Variants in MARCHF1 observed in about 807,000 individuals in gnomAD.
MARCHF1 encodes membrane associated ring-CH-type finger 1, also known as E3 ubiquitin-protein ligase MARCHF1.
In MARCHF1, 40 loss-of-function variants were observed where a neutral mutation model predicts 54.2. That is an observed-to-expected ratio of 0.74 (90% confidence interval 0.57 to 0.96). The LOEUF (loss-of-function observed/expected upper bound fraction) is 0.96. MARCHF1 is among the 40% of genes least tolerant of loss of function. The pLI, the probability that MARCHF1 is intolerant of heterozygous loss-of-function variation, is 0.00. For missense variants in MARCHF1, 586 were observed against 656.5 expected (o/e 0.89, Z 1.17); for synonymous variants, 236 against 236.3 (o/e 1.00, Z 0.01).
intron 8 of MARCHF1, among the ~76,000 whole-genome samples, chr4:163,569,197 C>G (rs1047695434): frequency 6.6e-6 from 1 of 152,114 alleles, no homozygotes; most frequent in Non-Finnish European, 1.5e-5. Context: ...CAGGGTAAAA[C>G]CTGGATGGCT....
intron 1 of MARCHF1, among the ~76,000 whole-genome samples, chr4:164,142,461 G>A (rs1191389929): frequency 2.6e-5 from 4 of 152,140 alleles, no homozygotes; most frequent in Non-Finnish European, 4.4e-5. Context: ...CTCCCAGCAC[G>A]CAGCTGGAGA....
intron 4 of MARCHF1, among the ~76,000 whole-genome samples, chr4:163,729,980 T>A (rs1745779831): frequency 6.6e-6 from 1 of 152,166 alleles, no homozygotes; most frequent in African/African-American, 2.4e-5. Context: ...AATTTGGGAA[T>A]TTGGGGCCAT....
intron 1 of MARCHF1, among the ~76,000 whole-genome samples, chr4:164,274,557 C>T (rs933210751): frequency 1.3e-5 from 2 of 149,640 alleles, no homozygotes; most frequent in South Asian, 2.1e-4. Context: ...TCATATTTGT[C>T]AGTGCAAGTA....
intron 4 of MARCHF1, among the ~76,000 whole-genome samples, chr4:163,849,474 T>C (rs978853680): frequency 2.0e-5 from 3 of 152,168 alleles, no homozygotes; most frequent in African/African-American, 7.2e-5. Flanking sequence ...AATGGAAATG[T>C]AGGATAAGCA....
At chr4:163,960,926 C>G (rs1752334643) in intron 3 of MARCHF1, among the ~76,000 whole-genome samples, 1 of 151,668 alleles carries the variant, frequency 6.6e-6, no homozygotes. Context: ...TCTGGTGAGG[C>G]CTCATTTTCT....
chr4:163,966,398 C>T (rs1258660684), intron 3 of MARCHF1, among the ~76,000 whole-genome samples: 1 of 151,972 alleles, frequency 6.6e-6, no homozygotes. Context: ...CATCCAATTT[C>T]ACAGTGTTTA....
At chr4:164,235,479 T>C (rs758104279) in intron 1 of MARCHF1, among the ~76,000 whole-genome samples, 189 of 152,174 alleles carry the variant, frequency 1.2e-3, no homozygotes, top group Non-Finnish European at 2.4e-3. Context: ...AAAGTTGTCG[T>C]TTACTTCTTA....
chr4:163,653,863 A>G (rs986284549), intron 5 of MARCHF1, among the ~76,000 whole-genome samples: 3 of 151,740 alleles, frequency 2.0e-5, no homozygotes, highest in Admixed American at 1.3e-4. Flanking sequence ...TGGATATATA[A>G]TATTGGAGTT....
chr4:164,239,919 GTTC>G (rs1271387023), intron 1 of MARCHF1, among the ~76,000 whole-genome samples: 5 of 152,148 alleles, frequency 3.3e-5, no homozygotes, highest in East Asian at 1.9e-4. Flanking sequence ...TAGAAAATAT[GTTC>G]TTCTATTTCT....
At position 163,870,736 on chromosome 4, in the gene MARCHF1, G is replaced by A. The variant is rs573347917; in HGVS notation, c.-38-16567C>T. On this transcript the variant is annotated intron_variant, in intron 3 of 9. Transcript: ENST00000514618. ...TATGTTAAGTGAAATAAGCCAGCAC[G>A]GAAAGACAAATACCACATGTTCTCA... Among the ~76,000 whole-genome samples, 13 of 152,118 alleles carry A rather than the reference G, an allele frequency of 8.5e-5. No homozygotes were observed. The South Asian group carries it at 1.7e-3, about 19-fold the overall frequency.
chr4:163,559,474 A>G (rs1739399108), intron 8 of MARCHF1, among the ~76,000 whole-genome samples: 1 of 152,200 alleles, frequency 6.6e-6, no homozygotes, highest in Admixed American at 6.5e-5. Context: ...AACCACATCC[A>G]TGTTGGGAAC....
intron 5 of MARCHF1, among the ~76,000 whole-genome samples, chr4:163,679,630 T>TG (rs201069743): frequency 3.3e-5 from 5 of 151,640 alleles, no homozygotes; most frequent in Admixed American, 6.6e-5. Context: ...TTTTTTTTTT[T>TG]GAGATGGAGT....
intron 4 of MARCHF1, among the ~76,000 whole-genome samples, chr4:163,726,273 C>T (rs545112070): frequency 9.4e-4 from 143 of 152,274 alleles, no homozygotes; most frequent in African/African-American, 3.3e-3. Flanking sequence ...TCTGCCTATT[C>T]ATCCCTCTCT....
At chr4:164,295,684 A>G (rs564332398) in intron 1 of MARCHF1, among the ~76,000 whole-genome samples, 7 of 152,184 alleles carry the variant, frequency 4.6e-5, no homozygotes, top group Non-Finnish European at 7.4e-5. Flanking sequence ...TTGCCTCTCA[A>G]TTCTGCCTAT....
chr4:163,644,694 G>A (rs1435090034), intron 5 of MARCHF1, among the ~76,000 whole-genome samples: 8 of 152,098 alleles, frequency 5.3e-5, no homozygotes, highest in African/African-American at 2.4e-5. Flanking sequence ...AGCAGATCCC[G>A]AAAAAACCAA....
chr4:164,273,360 C>G (rs1275050611), intron 1 of MARCHF1, among the ~76,000 whole-genome samples: 1 of 152,044 alleles, frequency 6.6e-6, no homozygotes, highest in Non-Finnish European at 1.5e-5. Flanking sequence ...GAAACTGCCC[C>G]CATGATTCAA....
chr4:163,860,436 C>T (rs1355579488), intron 3 of MARCHF1, among the ~76,000 whole-genome samples: 2 of 152,088 alleles, frequency 1.3e-5, no homozygotes, highest in African/African-American at 4.8e-5. Flanking sequence ...CCCAAACAGT[C>T]TTACAAAAAA....
At position 164,079,582 on chromosome 4, in the gene MARCHF1, T is replaced by C. The variant is rs553559034; in HGVS notation, c.-248+32006A>G. 2.2e-4 allele frequency among the ~76,000 whole-genome samples: 34 copies of C among 152,314 alleles called. 1 individual carries two copies. Among genetic ancestry groups the C allele is most frequent in the African/African-American group, 6.7e-4 (28 of 41,580 alleles). On this transcript the variant is annotated intron_variant, in intron 2 of 9. Transcript: ENST00000514618. ...ACTAGAAAATATGCTTAAGGACTTA[T>C]ATAACTTCTAACTTCTAACTGCTGA...
Position 163,580,881 on chromosome 4 carries a change from C to A in MARCHF1, c.1191+4868G>T, listed in dbSNP as rs1259572409. 4.6e-5 allele frequency among the ~76,000 whole-genome samples: 2 copies of A among 43,952 alleles called. 1 individual carries two copies. The highest frequency in any genetic ancestry group is 9.5e-5 in the Non-Finnish European group (2 of 21,082). The allele number at this position is 43,952 out of a possible 152,430, so 28.8% of individuals were successfully genotyped here. ...GCAGTGGCGCAATCTCGGCTCACTGCAAGCTCCGCTTCCCGGGTTCACGCC... is the reference window on the plus strand; with the variant it reads ...GCAGTGGCGCAATCTCGGCTCACTGAAAGCTCCGCTTCCCGGGTTCACGCC... On this transcript the variant is annotated intron_variant, in intron 8 of 9. Coordinates refer to ENST00000514618, the MANE Select transcript of MARCHF1 (RefSeq NM_001394959.1).
Sources: gnomAD v4.1 joint callset for allele counts (sites outside exome capture counted in the v4.1 genomes callset) on GRCh38, gnomAD v4.1.1 for gene constraint, MANE v1.5 for transcripts, NCBI Gene and HGNC (gene_info 2026-07-23, HGNC 2026-07-21) for gene names.